TRAFD1: variants seen among roughly 807,000 people sequenced by gnomAD.
TRAFD1 encodes TRAF-type zinc finger domain containing 1, also known as TRAF-type zinc finger domain-containing protein 1.
A neutral mutation model predicts 65.3 loss-of-function variants in TRAFD1; 38 were observed. That is an observed-to-expected ratio of 0.58 (90% CI 0.45 to 0.76). The LOEUF (loss-of-function observed/expected upper bound fraction) is 0.76, where lower values mean the gene tolerates loss of function less well. Ranked by LOEUF, TRAFD1 falls within the 30% of genes least tolerant of loss-of-function variation. The pLI is 0.00. For missense variants in TRAFD1, 631 were observed against 712.6 expected, an observed-to-expected ratio of 0.89 and a Z score of 1.30; for synonymous variants, 223 against 257.2, an observed-to-expected ratio of 0.87 and a Z score of 1.27.
At chr12:112,144,129 G>T (rs908733891) in intron 6 of TRAFD1, among the ~76,000 whole-genome samples, 1 of 152,010 alleles carries the variant, frequency 6.6e-6, no homozygotes, top group African/African-American at 2.4e-5. Context: ...TTGTTTCTGC[G>T]TCTCCTGTTC....
At chr12:112,150,899 A>G (rs2030386397) in intron 9 of TRAFD1, among the ~76,000 whole-genome samples, 5 of 151,306 alleles carry the variant, frequency 3.3e-5, no homozygotes, top group Admixed American at 3.3e-4. Context: ...CATCATGTTT[A>G]GGCAAGTAAA....
Position 112,140,908 on chromosome 12 carries a change from T to C in TRAFD1, c.327T>C (p.Cys109=). ...ILKLKEHEDY[C]GARTELCGNC... ...AACTGAAGGAACATGAAGATTATTG[T>C]GGTGCCCGGACGGAACTATGTGGCA... The change falls in exon 5 of 12, where the codon TGT becomes TGC. Residue 109 remains cysteine (C), a synonymous_variant. Coordinates refer to ENST00000412615, the MANE Select transcript of TRAFD1 (RefSeq NM_006700.3). 1.2e-6 allele frequency: 2 copies of C among 1,614,228 alleles called. No individual in the cohort carries two copies. The highest frequency in any genetic ancestry group is 1.7e-6 in the Non-Finnish European group (2 of 1,180,040).
Position 112,152,637 on chromosome 12 carries a change from G to C in TRAFD1, c.1693-98G>C. 3.1e-6 allele frequency: 5 copies of C among 1,601,126 alleles called. No individual in the cohort carries two copies. In the Admixed American group the frequency reaches 6.8e-5, roughly 22 times the overall value. On this transcript the variant is annotated intron_variant, in intron 11 of 11. Transcript: ENST00000412615. The surrounding 1 kb of genome is among the most constrained non-coding windows in gnomAD (Gnocchi z 5.0). ...TTGTTCCTTTGGCTTTTGAGAAGGA[G>C]GTTTCTAAGGAAGCGGGACATTTTC...
chr12:112,152,659 T>C lies in TRAFD1; in HGVS notation c.1693-76T>C. 6.2e-7 allele frequency: 1 copy of C among 1,609,616 alleles called. No homozygotes were observed. The highest frequency in any genetic ancestry group is 8.5e-7 in the Non-Finnish European group (1 of 1,176,690). On this transcript the variant is annotated intron_variant, in intron 11 of 11. Transcript: ENST00000412615. This position sits in a 1 kb window ranked among gnomAD's most constrained non-coding sequence, Gnocchi z 5.0. Reference sequence around the variant, plus strand: ...GGAGGTTTCTAAGGAAGCGGGACATTTTCGGGGATCCAGGGGAGGAGTAAT... The same window carrying C: ...GGAGGTTTCTAAGGAAGCGGGACATCTTCGGGGATCCAGGGGAGGAGTAAT...
At chr12:112,135,404 T>TACAA (rs1399941944) in intron 4 of TRAFD1, among the ~76,000 whole-genome samples, 13 of 152,232 alleles carry the variant, frequency 8.5e-5, no homozygotes. Flanking sequence ...CAGCCTGCCT[T>TACAA]ACAAGCTGTC....
chr12:112,135,045 G>A lies in TRAFD1; in HGVS notation c.216G>A (p.Lys72=). The A allele has an allele frequency of 6.2e-7, 1 of 1,614,238 alleles. No individual in the cohort carries two copies. The highest frequency in any genetic ancestry group is 8.5e-7 in the Non-Finnish European group (1 of 1,180,036). The part of the protein sequence containing the change: ...VTCKCNKKLE[K]RLLKKHEETE... The stretch of plus-strand genomic sequence containing the variant: ...GCAAATGTAACAAGAAGTTGGAGAA[G>A]AGGCTGTTAAAGAAGCATGAGGTTA... Residue 72 remains lysine, a synonymous_variant, in exon 4 of 12, where the codon AAG becomes AAA. Coordinates refer to ENST00000412615, the MANE Select transcript of TRAFD1 (RefSeq NM_006700.3).
At chr12:112,146,996 T>TG (rs1189952307) in intron 7 of TRAFD1, among the ~76,000 whole-genome samples, 9 of 120,232 alleles carry the variant, frequency 7.5e-5, no homozygotes, top group South Asian at 3.3e-4. Context: ...TGTTTTTTTT[T>TG]TTTTTTTTTT....
chr12:112,135,639 C>T (rs1042129295), intron 4 of TRAFD1, among the ~76,000 whole-genome samples: 17 of 151,958 alleles, frequency 1.1e-4, no homozygotes, highest in African/African-American at 4.1e-4. Context: ...TTGGCCTGAC[C>T]TTGTGATCTG....
intron 7 of TRAFD1, among the ~76,000 whole-genome samples, chr12:112,146,207 AC>A (rs1370592492): frequency 1.9e-4 from 28 of 148,886 alleles, no homozygotes; most frequent in African/African-American, 5.7e-4. Flanking sequence ...AAAAAAAAAA[AC>A]AATAGTGAAA....
chr12:112,143,712 T>G (rs1005762431), intron 6 of TRAFD1, among the ~76,000 whole-genome samples: 1 of 151,908 alleles, frequency 6.6e-6, no homozygotes, highest in Non-Finnish European at 1.5e-5. Flanking sequence ...CATAGTCATA[T>G]TACAGTTCCC....
chr12:112,132,593 T>G (rs1445877972), intron 2 of TRAFD1, among the ~76,000 whole-genome samples: 2 of 152,206 alleles, frequency 1.3e-5, no homozygotes, highest in African/African-American at 2.4e-5. Flanking sequence ...TCTTCCCATC[T>G]CTCACAGTTG....
intron 9 of TRAFD1, among the ~76,000 whole-genome samples, chr12:112,150,559 T>G (rs747127605): frequency 6.6e-6 from 1 of 151,990 alleles, no homozygotes; most frequent in Non-Finnish European, 1.5e-5. Context: ...TCAAACTTAT[T>G]TATTTAATTT....
At chr12:112,149,186 C>A (rs2030335139) in intron 8 of TRAFD1, among the ~76,000 whole-genome samples, 1 of 151,890 alleles carries the variant, frequency 6.6e-6, no homozygotes, top group Admixed American at 6.6e-5. Context: ...CCACTGCACT[C>A]CAGCCTGGGT....
intron 7 of TRAFD1, among the ~76,000 whole-genome samples, chr12:112,146,141 C>T (rs563822828): frequency 7.2e-6 from 1 of 137,956 alleles, no homozygotes; most frequent in East Asian, 2.2e-4. Context: ...GCACATTGTG[C>T]ACATGTACCC....
chr12:112,140,419 C>CA (rs548396276), intron 4 of TRAFD1, among the ~76,000 whole-genome samples: 15,387 of 68,808 alleles, frequency 0.22, 1,425 homozygotes, highest in East Asian at 0.36. Flanking sequence ...GACACTGTCT[C>CA]AAAAAAAAAA....
chr12:112,151,918 C>T lies in TRAFD1; in HGVS notation c.1397C>T (p.Ser466Leu), dbSNP rs546920405. 5.9e-5 allele frequency: 95 copies of T among 1,614,108 alleles called. No homozygotes were observed. The Admixed American group carries it at 1.0e-3, about 17-fold the overall frequency. ...ATGACAGCTACCTATAACCAGCTAT[C>T]GAGATCAACATCAGGCCCCAGACCT... ...NNMTATYNQL[S>L]RSTSGPRPGC... The change falls in exon 10 of 12, where the codon TCG becomes TTG. Residue 466 changes from serine (S) to leucine (L), a missense_variant. Coordinates refer to ENST00000412615, the MANE Select transcript of TRAFD1 (RefSeq NM_006700.3).
chr12:112,138,273 A>G (rs947965367), intron 4 of TRAFD1, among the ~76,000 whole-genome samples: 1 of 152,064 alleles, frequency 6.6e-6, no homozygotes. Flanking sequence ...AAGGTAGGCC[A>G]GGCGCAATGA....
intron 7 of TRAFD1, among the ~76,000 whole-genome samples, chr12:112,147,753 C>A (rs1414932255): frequency 4.0e-5 from 6 of 151,414 alleles, no homozygotes; most frequent in Admixed American, 3.9e-4. Context: ...CTCACTGCAA[C>A]CTCTGCCTCT....
chr12:112,152,094 A>G lies in TRAFD1; in HGVS notation c.1573A>G (p.Ile525Val). ...RPPQNLYPEN[I>V]VPSFSPGPSG... Reference sequence around the variant, plus strand: ...TCCTCAAAATCTCTACCCAGAAAACATTGTGCCCTCTTTCTCCCCTGGGCC... The same window carrying G: ...TCCTCAAAATCTCTACCCAGAAAACGTTGTGCCCTCTTTCTCCCCTGGGCC... The change falls in exon 10 of 12, where the codon ATT becomes GTT. Residue 525 changes from isoleucine to valine, a missense_variant. Ile to Val is a conservative substitution (Grantham distance 29). Coordinates refer to ENST00000412615, the MANE Select transcript of TRAFD1 (RefSeq NM_006700.3). This position sits in a 1 kb window ranked among gnomAD's most constrained non-coding sequence, Gnocchi z 5.0. The G allele has an allele frequency of 6.2e-7, 1 of 1,613,946 alleles. No individual in the cohort carries two copies. Among genetic ancestry groups the G allele is most frequent in the Non-Finnish European group, 8.5e-7 (1 of 1,179,850 alleles).
Sources: allele counts gnomAD v4.1 joint callset (sites outside exome capture counted in the v4.1 genomes callset), GRCh38; gene constraint gnomAD v4.1.1; non-coding constraint Gnocchi (gnomAD v3.1); transcripts MANE v1.5; gene names NCBI Gene and HGNC (gene_info 2026-07-23, HGNC 2026-07-21).